The following LRP12 variants were observed in gnomAD, a reference collection of about 807,000 sequenced individuals.
The protein encoded by LRP12 is LDL receptor related protein 12.
A neutral mutation model predicts 66.0 loss-of-function variants in LRP12; 14 were observed. The observed-to-expected ratio is 0.21, with a 90% confidence interval of 0.14 to 0.33. LRP12 has a LOEUF of 0.33. Ranked by LOEUF, LRP12 falls within the 10% of genes least tolerant of loss-of-function variation. The probability of loss-of-function intolerance (pLI) is 1.00; values close to 1 mark genes in which losing one functional copy is unlikely to be tolerated. For synonymous variants in LRP12, 357 were observed against 359.1 expected, an observed-to-expected ratio of 0.99 and a Z score of 0.07; for missense variants, 889 against 1,053.4, an observed-to-expected ratio of 0.84 and a Z score of 2.16.
chr8:104,492,334 C>CT (rs972040489), intron 6 of LRP12, among the ~76,000 whole-genome samples: 30 of 152,136 alleles, frequency 2.0e-4, no homozygotes, highest in African/African-American at 6.5e-4. Context: ...AAAATCTATT[C>CT]TTTTTTCTAG....
intron 1 of LRP12, among the ~76,000 whole-genome samples, chr8:104,582,186 G>A (rs1812261339): frequency 6.6e-6 from 1 of 152,056 alleles, no homozygotes; most frequent in South Asian, 2.1e-4. Context: ...GTGAATTAAA[G>A]GTAGGTATCA....
At chr8:104,554,020 C>G (rs1333633005) in intron 1 of LRP12, among the ~76,000 whole-genome samples, 2 of 152,096 alleles carry the variant, frequency 1.3e-5, no homozygotes, top group Non-Finnish European at 2.9e-5. Context: ...GCTAGACCCA[C>G]AAATGAAACA....
At chr8:104,576,456 C>A (rs1812166809) in intron 1 of LRP12, among the ~76,000 whole-genome samples, 2 of 152,196 alleles carry the variant, frequency 1.3e-5, no homozygotes, top group South Asian at 4.1e-4. Flanking sequence ...AGACTGGGGG[C>A]CAATATTCAA....
chr8:104,553,203 C>A (rs1262921992), intron 1 of LRP12, among the ~76,000 whole-genome samples: 2 of 152,064 alleles, frequency 1.3e-5, no homozygotes, highest in South Asian at 2.1e-4. Flanking sequence ...ACAATTTCAA[C>A]TGAATGTGAA....
chr8:104,551,168 C>A (rs903829534), intron 1 of LRP12, among the ~76,000 whole-genome samples: 1 of 148,138 alleles, frequency 6.8e-6, no homozygotes, highest in African/African-American at 2.6e-5. Flanking sequence ...TATGATGTAC[C>A]CTTTGCATGG....
chr8:104,564,384 C>T (rs1422498605), intron 1 of LRP12, among the ~76,000 whole-genome samples: 1 of 152,094 alleles, frequency 6.6e-6, no homozygotes, highest in Non-Finnish European at 1.5e-5. Flanking sequence ...TATAAGAGCA[C>T]TTTGAAAAGC....
intron 1 of LRP12, among the ~76,000 whole-genome samples, chr8:104,569,304 T>C (rs889436790): frequency 2.0e-5 from 3 of 152,028 alleles, no homozygotes; most frequent in African/African-American, 7.2e-5. Flanking sequence ...AGGTACAGAG[T>C]TTCCTTTTGG....
intron 2 of LRP12, among the ~76,000 whole-genome samples, chr8:104,521,261 T>C (rs888118057): frequency 1.3e-5 from 2 of 152,010 alleles, no homozygotes; most frequent in Non-Finnish European, 2.9e-5. Context: ...CTCAAAATGT[T>C]TTGGATTTTG....
chr8:104,500,462 C>T (rs1353917175), intron 3 of LRP12, among the ~76,000 whole-genome samples: 2 of 152,034 alleles, frequency 1.3e-5, no homozygotes, highest in East Asian at 3.9e-4. Flanking sequence ...AATCCCAGCA[C>T]TTTGGGACGC....
chr8:104,563,144 G>A (rs996323731), intron 1 of LRP12, among the ~76,000 whole-genome samples: 10 of 152,134 alleles, frequency 6.6e-5, no homozygotes, highest in African/African-American at 2.4e-4. Flanking sequence ...CCTTGGCTAA[G>A]ATACTTAACC....
At chr8:104,523,223 T>C (rs1379819059) in intron 2 of LRP12, among the ~76,000 whole-genome samples, 3 of 152,092 alleles carry the variant, frequency 2.0e-5, no homozygotes, top group Non-Finnish European at 4.4e-5. Flanking sequence ...TTGAAAAACC[T>C]TGCAGACAAA....
chr8:104,527,779 A>G (rs566132279), intron 2 of LRP12, among the ~76,000 whole-genome samples: 11 of 152,244 alleles, frequency 7.2e-5, no homozygotes, highest in Middle Eastern at 3.4e-3. Context: ...ACTTGTATAC[A>G]TATGTAACTA....
chr8:104,588,328 A>C (rs1233206014), intron 1 of LRP12, among the ~76,000 whole-genome samples: 1 of 152,190 alleles, frequency 6.6e-6, no homozygotes, highest in Non-Finnish European at 1.5e-5. Context: ...AAGCCTTTTC[A>C]GGGAATCGAG....
At chr8:104,493,576 G>A (rs192462493) in intron 6 of LRP12, among the ~76,000 whole-genome samples, 71 of 152,328 alleles carry the variant, frequency 4.7e-4, no homozygotes, top group African/African-American at 1.6e-3. Context: ...GGACCAGCCA[G>A]ATAGTAAAAC....
At chr8:104,564,890 A>T (rs1811973482) in intron 1 of LRP12, among the ~76,000 whole-genome samples, 1 of 151,888 alleles carries the variant, frequency 6.6e-6, no homozygotes, top group Non-Finnish European at 1.5e-5. Flanking sequence ...CCTAGATCGC[A>T]CCACTGCACT....
Position 104,569,460 on chromosome 8 carries a change from G to A in LRP12, c.79+19359C>T, listed in dbSNP as rs139229485. Among the ~76,000 whole-genome samples the A allele has an allele frequency of 3.4e-3, 510 of 152,160 alleles. 1 individual carries two copies. The highest frequency in any genetic ancestry group is 6.1e-3 in the Non-Finnish European group (412 of 67,946). ...AAAAAGCATAATACACTACAACCAA[G>A]TGGTTTATCCTCAGAATGAAAGGCT... On this transcript the variant is annotated intron_variant, in intron 1 of 6. Transcript: ENST00000276654.
At chr8:104,521,819 T>C (rs1811157127) in intron 2 of LRP12, among the ~76,000 whole-genome samples, 1 of 151,938 alleles carries the variant, frequency 6.6e-6, no homozygotes, top group Admixed American at 6.6e-5. Context: ...TTTATAACAC[T>C]GGTCAAAAGA....
chr8:104,494,046 G>C (rs1459192988), intron 6 of LRP12, among the ~76,000 whole-genome samples: 1 of 152,182 alleles, frequency 6.6e-6, no homozygotes, highest in African/African-American at 2.4e-5. Flanking sequence ...GGTGTTAGGA[G>C]TGAAGACAAT....
chr8:104,544,373 A>G (rs1358377226), intron 1 of LRP12, among the ~76,000 whole-genome samples: 1 of 152,214 alleles, frequency 6.6e-6, no homozygotes, highest in Non-Finnish European at 1.5e-5. Context: ...GTTATCTAGA[A>G]GATCTAGCTA....
Sources: allele counts gnomAD v4.1 joint callset (sites outside exome capture counted in the v4.1 genomes callset), GRCh38; gene constraint gnomAD v4.1.1; transcripts MANE v1.5; gene names NCBI Gene and HGNC (gene_info 2026-07-23, HGNC 2026-07-21).